PHF24: variants seen among roughly 807,000 people sequenced by gnomAD.
The protein encoded by PHF24 is PHD finger protein 24.
Under a neutral mutation model 42.6 loss-of-function variants are expected in PHF24, and 25 were observed. The observed-to-expected ratio is 0.59, with a 90% confidence interval of 0.43 to 0.82. The LOEUF is 0.82. PHF24 is among the 40% of genes least tolerant of loss of function. The probability of loss-of-function intolerance (pLI) is 0.00; values close to 1 mark genes in which losing one functional copy is unlikely to be tolerated. For synonymous variants in PHF24, 185 were observed against 204.8 expected, an observed-to-expected ratio of 0.90 and a Z score of 0.83; for missense variants, 470 against 538.1, an observed-to-expected ratio of 0.87 and a Z score of 1.25.
chr9:34,684,802 G>A, the PHF24 span, among the ~76,000 whole-genome samples: 1 of 152,148 alleles, frequency 6.6e-6, no homozygotes, highest in African/African-American at 2.4e-5. Context: ...TAGGAGATCT[G>A]GTTGTCCCAG....
chr9:34,970,342 A>G (rs927564008), intron 1 of PHF24, among the ~76,000 whole-genome samples: 4 of 152,216 alleles, frequency 2.6e-5, no homozygotes, highest in African/African-American at 9.7e-5. Context: ...GAAGAATTAA[A>G]GCAGAAAATG....
At chr9:34,930,550 A>C in the PHF24 span, among the ~76,000 whole-genome samples, 34 of 152,322 alleles carry the variant, frequency 2.2e-4, no homozygotes, top group African/African-American at 8.2e-4. Context: ...GAAGCGAAGG[A>C]GCCCCAAATG....
chr9:34,815,150 G>A, the PHF24 span, among the ~76,000 whole-genome samples: 1 of 152,174 alleles, frequency 6.6e-6, no homozygotes, highest in Non-Finnish European at 1.5e-5. Flanking sequence ...TAATCAAAGT[G>A]TCCAAAAGTT....
At chr9:34,928,130 C>T in the PHF24 span, among the ~76,000 whole-genome samples, 10 of 149,630 alleles carry the variant, frequency 6.7e-5, no homozygotes, top group Non-Finnish European at 1.5e-5. Context: ...ACAGGAGAGT[C>T]GCTTGAACCC....
At chr9:34,701,202 G>A in the PHF24 span, among the ~76,000 whole-genome samples, 1 of 152,162 alleles carries the variant, frequency 6.6e-6, no homozygotes, top group African/African-American at 2.4e-5. This position sits in a 1 kb window ranked among gnomAD's most constrained non-coding sequence, Gnocchi z 5.8. Context: ...CCCCGCCCCA[G>A]GGGTAGGAGA....
chr9:34,870,332 AT>A, the PHF24 span, among the ~76,000 whole-genome samples: 1 of 152,080 alleles, frequency 6.6e-6, no homozygotes, highest in Non-Finnish European at 1.5e-5. Context: ...AAATATATAT[AT>A]TTTGATAAGT....
intron 3 of PHF24, 107 bp from the exon 4 acceptor site, chr9:34,976,045 A>G (rs956151759): frequency 1.3e-6 from 1 of 771,774 alleles, no homozygotes. Flanking sequence ...CTGGGATTAG[A>G]TGATCTTGGA....
chr9:34,934,676 T>C, the PHF24 span, among the ~76,000 whole-genome samples: 1 of 152,164 alleles, frequency 6.6e-6, no homozygotes, highest in African/African-American at 2.4e-5. Context: ...CCTTTCAAAA[T>C]AGGACTCTGC....
chr9:34,830,254 C>T, the PHF24 span, among the ~76,000 whole-genome samples: 1 of 152,232 alleles, frequency 6.6e-6, no homozygotes, highest in Admixed American at 6.5e-5. Context: ...AAAACACTTG[C>T]TCAAGAATTT....
chr9:34,832,338 C>T, the PHF24 span: 2 of 694,146 alleles, frequency 2.9e-6, no homozygotes, highest in Non-Finnish European at 5.0e-6. Flanking sequence ...CACTCAAGGA[C>T]AGTGACGAGG....
At chr9:34,793,818 A>C in the PHF24 span, among the ~76,000 whole-genome samples, 49 of 146,926 alleles carry the variant, frequency 3.3e-4, no homozygotes, top group Middle Eastern at 3.4e-3. Context: ...CCAAGCAATG[A>C]TTTTGGAAGA....
the PHF24 span, among the ~76,000 whole-genome samples, chr9:34,893,898 G>A: frequency 0.074 from 11,228 of 152,250 alleles, 644 homozygotes; most frequent in African/African-American, 0.16. Context: ...TAGGACCTCT[G>A]CATTCTGAGA....
At chr9:34,795,534 G>A in the PHF24 span, among the ~76,000 whole-genome samples, 2 of 152,070 alleles carry the variant, frequency 1.3e-5, no homozygotes, top group Non-Finnish European at 2.9e-5. Flanking sequence ...AAGAGAAATG[G>A]TAAAATTCTA....
the PHF24 span, among the ~76,000 whole-genome samples, chr9:34,714,983 C>T: frequency 6.6e-6 from 1 of 152,126 alleles, no homozygotes; most frequent in African/African-American, 2.4e-5. Flanking sequence ...TAGGCATCAA[C>T]CCTAAGCCCC....
the PHF24 span, among the ~76,000 whole-genome samples, chr9:34,771,661 G>C: frequency 6.6e-6 from 1 of 152,116 alleles, no homozygotes; most frequent in South Asian, 2.1e-4. Flanking sequence ...CATATGTGTA[G>C]ATGTGTGTAA....
the PHF24 span, among the ~76,000 whole-genome samples, chr9:34,690,592 C>T: frequency 3.9e-3 from 596 of 152,132 alleles, 5 homozygotes; most frequent in African/African-American, 0.014. Flanking sequence ...AACCACTGCC[C>T]TGAGCCCCAC....
chr9:34,875,001 A>G, the PHF24 span, among the ~76,000 whole-genome samples: 1 of 152,300 alleles, frequency 6.6e-6, no homozygotes, highest in South Asian at 2.1e-4. Flanking sequence ...ATTTTAAAAT[A>G]TACAATTATT....
chr9:34,966,672 C>T (rs1293148783), intron 1 of PHF24, among the ~76,000 whole-genome samples: 1 of 151,658 alleles, frequency 6.6e-6, no homozygotes, highest in Non-Finnish European at 1.5e-5. Context: ...TCAGTAATTT[C>T]CCTATTGAGG....
chr9:34,943,135 GC>G, the PHF24 span, among the ~76,000 whole-genome samples: 1 of 152,168 alleles, frequency 6.6e-6, no homozygotes, highest in Non-Finnish European at 1.5e-5. Flanking sequence ...GCTTGTTTAA[GC>G]CTGCAGCAGC....
Sources: allele counts gnomAD v4.1 joint callset (sites outside exome capture counted in the v4.1 genomes callset), GRCh38; gene constraint gnomAD v4.1.1; non-coding constraint Gnocchi (gnomAD v3.1); transcripts MANE v1.5; gene names NCBI Gene and HGNC (gene_info 2026-07-23, HGNC 2026-07-21).